ITPR2: variants seen among roughly 807,000 people sequenced by gnomAD.
The protein encoded by ITPR2 is inositol 1,4,5-trisphosphate-gated calcium channel ITPR2.
In ITPR2, 207 loss-of-function variants were observed where a neutral mutation model predicts 317.1. The observed-to-expected ratio is 0.65, with a 90% confidence interval of 0.58 to 0.73. The LOEUF (loss-of-function observed/expected upper bound fraction) is 0.73, where lower values mean the gene tolerates loss of function less well. Ranked by LOEUF, ITPR2 falls within the 30% of genes least tolerant of loss-of-function variation. ITPR2 has a pLI of 0.00. For missense variants in ITPR2, 2,613 were observed against 3,284.0 expected, an observed-to-expected ratio of 0.80 and a Z score of 4.99; for synonymous variants, 1,156 against 1,149.1, an observed-to-expected ratio of 1.01 and a Z score of -0.12.
chr12:26,587,093 C>G (rs1192158708), intron 32 of ITPR2, among the ~76,000 whole-genome samples: 1 of 151,052 alleles, frequency 6.6e-6, no homozygotes, highest in Non-Finnish European at 1.5e-5. Context: ...TAATTCTATG[C>G]TCAGACCACA....
intron 55 of ITPR2, among the ~76,000 whole-genome samples, chr12:26,361,441 C>T (rs1309048936): frequency 6.6e-6 from 1 of 152,054 alleles, no homozygotes; most frequent in African/African-American, 2.4e-5. Flanking sequence ...CACCCCATTG[C>T]ATCATAATTC....
intron 2 of ITPR2, among the ~76,000 whole-genome samples, chr12:26,786,449 T>TTAAAAAA: frequency 8.4e-6 from 1 of 119,226 alleles, no homozygotes; most frequent in East Asian, 2.2e-4. Context: ...GAATGATCAA[T>TTAAAAAA]AAAAAAAAAA....
intron 2 of ITPR2, among the ~76,000 whole-genome samples, chr12:26,762,279 A>G (rs560287645): frequency 1.3e-5 from 2 of 152,364 alleles, no homozygotes; most frequent in South Asian, 4.1e-4. Flanking sequence ...TAAAGAGATC[A>G]TCACTGAAAC....
chr12:26,784,319 G>GCCTCTGCCTCTC (rs1950159002), intron 2 of ITPR2, among the ~76,000 whole-genome samples: 5 of 31,702 alleles, frequency 1.6e-4, no homozygotes, highest in African/African-American at 6.1e-4. Flanking sequence ...CTCTCCCTCT[G>GCCTCTGCCTCTC]CCTCTCCCTC....
chr12:26,451,365 T>TCACACA (rs57642539), intron 45 of ITPR2, among the ~76,000 whole-genome samples: 10,741 of 136,186 alleles, frequency 0.079, 479 homozygotes, highest in Middle Eastern at 0.13. Context: ...TTCTCTCATA[T>TCACACA]CACACACACA....
chr12:26,430,821 C>T (rs765692063), intron 48 of ITPR2, among the ~76,000 whole-genome samples: 1 of 152,150 alleles, frequency 6.6e-6, no homozygotes, highest in Non-Finnish European at 1.5e-5. Flanking sequence ...CTGCTATCTA[C>T]CTCATGCAGA....
chr12:26,446,851 AT>A (rs1409385197), intron 45 of ITPR2, among the ~76,000 whole-genome samples: 1 of 152,040 alleles, frequency 6.6e-6, no homozygotes, highest in East Asian at 1.9e-4. Flanking sequence ...TTTGAAATAT[AT>A]AATTGAAAAA....
At chr12:26,595,064 C>T (rs1204104677) in intron 32 of ITPR2, among the ~76,000 whole-genome samples, 1 of 152,230 alleles carries the variant, frequency 6.6e-6, no homozygotes, top group Non-Finnish European at 1.5e-5. Context: ...AAGTACCTAT[C>T]TGCCTGAAAG....
chr12:26,486,160 G>C lies in ITPR2; in HGVS notation c.5755C>G (p.Gln1919Glu). 1 of 1,614,074 alleles carries C rather than the reference G, an allele frequency of 6.2e-7. No homozygotes were observed. Among genetic ancestry groups the C allele is most frequent in the Non-Finnish European group, 8.5e-7 (1 of 1,179,944 alleles). The part of the protein sequence containing the change: ...VTMSPAIAIM[Q>E]PILRFLQLLC... ...AACTGAAGAAATCTCAGTATTGGCT[G>C]CATGATGGCAATTGCGGGACTCATT... Residue 1919 changes from glutamine (Q) to glutamate (E), a missense_variant, in exon 41 of 57, where the codon CAG (glutamine) becomes GAG (glutamate). Around this residue, in one of 9 missense-constraint regions of ITPR2, gnomAD observed 926 missense variants for 1,072.8 expected, o/e 0.86. Transcript: ENST00000381340.
chr12:26,784,821 A>G (rs1950184971), intron 2 of ITPR2, among the ~76,000 whole-genome samples: 1 of 143,218 alleles, frequency 7.0e-6, no homozygotes. Context: ...GGATACGGGG[A>G]GCCTCTCTGC....
intron 2 of ITPR2, among the ~76,000 whole-genome samples, chr12:26,789,516 A>T (rs1369380848): frequency 6.6e-6 from 1 of 152,186 alleles, no homozygotes; most frequent in Non-Finnish European, 1.5e-5. Context: ...TTATTATTAT[A>T]ATTATGTACC....
intron 9 of ITPR2, among the ~76,000 whole-genome samples, chr12:26,696,351 G>A (rs756573074): frequency 1.3e-5 from 2 of 152,126 alleles, no homozygotes; most frequent in Non-Finnish European, 2.9e-5. Flanking sequence ...TGTATGAGGT[G>A]TGTTTCTTGA....
chr12:26,755,501 G>C (rs1473296587), intron 2 of ITPR2, among the ~76,000 whole-genome samples: 1 of 152,144 alleles, frequency 6.6e-6, no homozygotes, highest in African/African-American at 2.4e-5. Flanking sequence ...TTGTTTTTCA[G>C]AGTCAAGAAA....
intron 2 of ITPR2, among the ~76,000 whole-genome samples, chr12:26,750,749 G>A (rs1396346713): frequency 3.3e-5 from 5 of 152,144 alleles, no homozygotes; most frequent in East Asian, 1.9e-4. Flanking sequence ...AAGTCCTGAC[G>A]CAGAAGAAAA....
At position 26,725,701 on chromosome 12, in the gene ITPR2, C is replaced by T. The variant is rs766764868; in HGVS notation, c.228G>A (p.Lys76=). 96 of 1,613,432 alleles carry T rather than the reference C, an allele frequency of 6.0e-5. No homozygotes were observed. Among genetic ancestry groups the T allele is most frequent in the Non-Finnish European group, 5.9e-5 (70 of 1,179,544 alleles). Residue 76 remains lysine (K), a synonymous_variant, in exon 3 of 57, where the codon AAG becomes AAA. Coordinates refer to ENST00000381340, the MANE Select transcript of ITPR2 (RefSeq NM_002223.4). ...YSAQKQYWKA[K]QAKQGNHTEA... ...CGGTGTGGTTCCCTTGTTTGGCTTG[C>T]TTTGCTTTCCAATATTGCTTCTGGG...
intron 55 of ITPR2, among the ~76,000 whole-genome samples, chr12:26,342,499 G>GC (rs1938157029): frequency 9.0e-4 from 12 of 13,362 alleles, no homozygotes; most frequent in African/African-American, 2.0e-3. Flanking sequence ...CACGGCGGTG[G>GC]GGGGGGGGGG....
chr12:26,812,818 A>G (rs1380864039), intron 1 of ITPR2, among the ~76,000 whole-genome samples: 1 of 152,264 alleles, frequency 6.6e-6, no homozygotes, highest in Non-Finnish European at 1.5e-5. Context: ...TTCAGACCCA[A>G]GGGCTTGAGC....
At position 26,818,006 on chromosome 12, in the gene ITPR2, G is replaced by A. The variant is rs149363102; in HGVS notation, c.92+14684C>T. 9.3e-3 allele frequency among the ~76,000 whole-genome samples: 1,415 copies of A among 152,246 alleles called. 16 individuals are homozygous for A. The highest frequency in any genetic ancestry group is 0.032 in the African/African-American group (1,324 of 41,532). On this transcript the variant is annotated intron_variant, in intron 1 of 56. Transcript: ENST00000381340. Reference sequence around the variant, plus strand: ...CAAACTCAATTACTTCTATTAGTATGGAAGAAGGGAAAAATGAATTTGGAG... The same window carrying A: ...CAAACTCAATTACTTCTATTAGTATAGAAGAAGGGAAAAATGAATTTGGAG...
intron 37 of ITPR2, among the ~76,000 whole-genome samples, chr12:26,507,369 T>G (rs1943216509): frequency 6.6e-6 from 1 of 152,220 alleles, no homozygotes; most frequent in South Asian, 2.1e-4. Context: ...AGGGTCTTTT[T>G]AAGAAAGGCT....
Sources: gnomAD v4.1 joint callset for allele counts (sites outside exome capture counted in the v4.1 genomes callset) on GRCh38, gnomAD v4.1.1 for gene constraint, gnomAD v4.1.1 regional missense constraint, MANE v1.5 for transcripts, NCBI Gene and HGNC (gene_info 2026-07-23, HGNC 2026-07-21) for gene names.